Variants in WFDC8 observed in about 807,000 individuals in gnomAD.
WFDC8 encodes the protein WAP four-disulfide core domain 8, also known as WAP four-disulfide core domain protein 8.
Under a neutral mutation model 27.0 loss-of-function variants are expected in WFDC8, and 24 were observed. The ratio of observed to expected loss-of-function variants is 0.89; its 90% CI spans 0.64 to 1.25. The LOEUF is 1.25. Among genes scored for constraint, WFDC8 ranks in the 50% most tolerant of loss-of-function variants. The pLI, the probability that WFDC8 is intolerant of heterozygous loss-of-function variation, is 0.00. For missense variants in WFDC8, 287 were observed against 295.9 expected, an observed-to-expected ratio of 0.97 and a Z score of 0.22; for synonymous variants, 106 against 99.7, an observed-to-expected ratio of 1.06 and a Z score of -0.38.
rs762639256 is a variant in WFDC8, at chr20:45,555,851, CA to C, written c.294del (p.Val99Ter). 6.2e-7 allele frequency: 1 copy of C among 1,613,928 alleles called. No individual in the cohort carries two copies. The highest frequency in any genetic ancestry group is 8.5e-7 in the Non-Finnish European group (1 of 1,179,900). ...TCATGATTACAGTTTCCATGCCTCA[CA>C]GGTAGCATGCAGGGTTCTGAGGTCA... ...MDPFQEPCML[P>X]VRHGNCNHEA... On this transcript the variant is annotated frameshift_variant, in exon 4 of 6. Coordinates refer to ENST00000289953, the MANE Select transcript of WFDC8 (RefSeq NM_130896.3). LOFTEE classifies it high-confidence loss of function.
At chr20:45,569,180 C>T (rs1404370011) in intron 1 of WFDC8, among the ~76,000 whole-genome samples, 1 of 152,206 alleles carries the variant, frequency 6.6e-6, no homozygotes, top group Non-Finnish European at 1.5e-5. Context: ...CAGGTCTTAC[C>T]TCTTCAGTGG....
chr20:45,569,051 A>G (rs1416797130), intron 1 of WFDC8, among the ~76,000 whole-genome samples: 1 of 152,174 alleles, frequency 6.6e-6, no homozygotes, highest in African/African-American at 2.4e-5. Flanking sequence ...TAGTCACATC[A>G]GCCTTTAACT....
chr20:45,566,874 A>G (rs1432116737), intron 1 of WFDC8, among the ~76,000 whole-genome samples: 2 of 152,278 alleles, frequency 1.3e-5, no homozygotes, highest in African/African-American at 4.8e-5. Flanking sequence ...TTAGATGCTC[A>G]TGTCGCTTTT....
intron 1 of WFDC8, among the ~76,000 whole-genome samples, chr20:45,564,835 C>T (rs1980597786): frequency 6.7e-6 from 1 of 148,406 alleles, no homozygotes; most frequent in Non-Finnish European, 1.5e-5. Context: ...GAGTGAGACC[C>T]TGTGGAGGAA....
Position 45,561,459 on chromosome 20 carries a change from T to C in WFDC8, c.136+651A>G, listed in dbSNP as rs150676628. ...CTACCTTACTTTCTATTCCGCATCTTGACATTTGGCATCAACAGGTCCAGT... is the reference window on the plus strand; with the variant it reads ...CTACCTTACTTTCTATTCCGCATCTCGACATTTGGCATCAACAGGTCCAGT... On this transcript the variant is annotated intron_variant, in intron 2 of 5. Coordinates refer to ENST00000289953, the MANE Select transcript of WFDC8 (RefSeq NM_130896.3). Among the ~76,000 whole-genome samples the C allele has an allele frequency of 1.4e-4, 21 of 152,326 alleles. No individual in the cohort carries two copies. The East Asian group carries it at 3.7e-3, about 27-fold the overall frequency.
At chr20:45,575,380 C>T (rs1422225131) in intron 1 of WFDC8, among the ~76,000 whole-genome samples, 1 of 152,054 alleles carries the variant, frequency 6.6e-6, no homozygotes, top group Non-Finnish European at 1.5e-5. Context: ...ACACTAACAA[C>T]AAACTACCTG....
intron 3 of WFDC8, among the ~76,000 whole-genome samples, chr20:45,557,409 G>T (rs777504326): frequency 1.8e-4 from 27 of 152,170 alleles, no homozygotes; most frequent in Admixed American, 2.6e-4. Context: ...GATTAATAAA[G>T]ATGTGTTTTG....
intron 1 of WFDC8, among the ~76,000 whole-genome samples, chr20:45,566,726 A>G (rs1980692183): frequency 6.6e-6 from 1 of 152,224 alleles, no homozygotes; most frequent in Non-Finnish European, 1.5e-5. Flanking sequence ...CTGCAGTAGA[A>G]GTGCATTCCT....
intron 2 of WFDC8, among the ~76,000 whole-genome samples, chr20:45,561,001 T>C (rs1395211674): frequency 6.6e-6 from 1 of 152,156 alleles, no homozygotes; most frequent in African/African-American, 2.4e-5. Flanking sequence ...TTGGGAACCA[T>C]TGTTCTAGGT....
chr20:45,578,674 C>T (rs143366561), intron 1 of WFDC8, among the ~76,000 whole-genome samples: 1 of 152,284 alleles, frequency 6.6e-6, no homozygotes, highest in African/African-American at 2.4e-5. Flanking sequence ...AGGTAATGGA[C>T]AGGAGTGTCC....
intron 1 of WFDC8, among the ~76,000 whole-genome samples, chr20:45,564,022 A>C (rs1980558448): frequency 6.6e-6 from 1 of 152,238 alleles, no homozygotes; most frequent in South Asian, 2.1e-4. Context: ...TTTATCTGAC[A>C]TTCAAATTTA....
At chr20:45,557,963 G>C (rs541470255) in intron 3 of WFDC8, among the ~76,000 whole-genome samples, 13 of 152,218 alleles carry the variant, frequency 8.5e-5, no homozygotes, top group African/African-American at 2.9e-4. Flanking sequence ...ATCAACCAAC[G>C]TCACTCTGAG....
intron 1 of WFDC8, among the ~76,000 whole-genome samples, chr20:45,565,678 T>C (rs1980652414): frequency 6.6e-6 from 1 of 152,106 alleles, no homozygotes; most frequent in African/African-American, 2.4e-5. Flanking sequence ...TACCAAGGGG[T>C]CAGCACCGGT....
intron 1 of WFDC8, among the ~76,000 whole-genome samples, chr20:45,565,008 AAG>A (rs1209391050): frequency 8.3e-6 from 1 of 120,280 alleles, no homozygotes; most frequent in African/African-American, 3.1e-5. Flanking sequence ...GAAAGGAAGA[AAG>A]AAAGAGAAAG....
At chr20:45,578,447 G>A (rs1270673262) in intron 1 of WFDC8, among the ~76,000 whole-genome samples, 1 of 151,506 alleles carries the variant, frequency 6.6e-6, no homozygotes, top group Non-Finnish European at 1.5e-5. Context: ...ACTTGAGGCT[G>A]TGGGACCAAG....
chr20:45,556,699 G>T (rs1449434852), intron 3 of WFDC8, among the ~76,000 whole-genome samples: 1 of 152,124 alleles, frequency 6.6e-6, no homozygotes, highest in Non-Finnish European at 1.5e-5. Context: ...AGGTGAAAAA[G>T]CTCGATAGGT....
chr20:45,553,175 C>G lies in WFDC8; in HGVS notation c.547G>C (p.Glu183Gln), dbSNP rs778571512. The change falls in exon 5 of 6, where the codon GAA becomes CAA. Residue 183 changes from glutamate to glutamine, a missense_variant. Glu to Gln is a conservative substitution (Grantham distance 29). Transcript: ENST00000289953. ...IDCPQTDKCC[E>Q]SRCGFVCARA... Reference sequence around the variant, plus strand: ...GCACAAACAAAGCCACACCTGGATTCACAACATTTGTCTGTCTGGGGACAA... The same window carrying G: ...GCACAAACAAAGCCACACCTGGATTGACAACATTTGTCTGTCTGGGGACAA... 78 of 1,613,672 alleles carry G rather than the reference C, an allele frequency of 4.8e-5. 1 individual carries two copies. The highest frequency in any genetic ancestry group is 6.0e-5 in the Non-Finnish European group (71 of 1,179,812).
chr20:45,564,971 A>AAGAAAGAGAAAGAG (rs61100293), intron 1 of WFDC8, among the ~76,000 whole-genome samples: 1 of 146,416 alleles, frequency 6.8e-6, no homozygotes, highest in Non-Finnish European at 1.5e-5. Flanking sequence ...GAAGGAAAGA[A>AAGAAAGAGAAAGAG]AGACAAAGAA....
At chr20:45,579,196 C>A in intron 1 of WFDC8, 26 bp downstream of exon 1, 1 of 1,612,776 alleles carries the variant, frequency 6.2e-7, no homozygotes, top group Admixed American at 1.7e-5. Flanking sequence ...TGTCTGGCTA[C>A]CCACCCCCAT....
Sources: allele counts gnomAD v4.1 joint callset (sites outside exome capture counted in the v4.1 genomes callset), GRCh38; gene constraint gnomAD v4.1.1; transcripts MANE v1.5; gene names NCBI Gene and HGNC (gene_info 2026-07-23, HGNC 2026-07-21).